The following USP8 variants were observed in gnomAD, a reference collection of about 807,000 sequenced individuals.
USP8 encodes the protein ubiquitin specific peptidase 8.
In USP8, 27 loss-of-function variants were observed where a neutral mutation model predicts 130.0. That is an observed-to-expected ratio of 0.21 (90% confidence interval 0.15 to 0.29). The LOEUF (loss-of-function observed/expected upper bound fraction) is 0.29, where lower values mean the gene tolerates loss of function less well. Among genes scored for constraint, USP8 ranks in the 10% least tolerant of loss-of-function variants. The pLI is 1.00. For missense variants in USP8, 1,029 were observed against 1,312.2 expected (o/e 0.78, Z 3.33); for synonymous variants, 392 against 444.1 (o/e 0.88, Z 1.48).
At chr15:50,472,920 C>CA (rs1595954017) in intron 8 of USP8, among the ~76,000 whole-genome samples, 1 of 151,786 alleles carries the variant, frequency 6.6e-6, no homozygotes, top group East Asian at 1.9e-4. Context: ...TACACACACA[C>CA]AAAAAAAGAT....
intron 5 of USP8, among the ~76,000 whole-genome samples, chr15:50,461,169 T>C (rs1485155909): frequency 1.3e-5 from 2 of 152,078 alleles, no homozygotes; most frequent in Non-Finnish European, 2.9e-5. Flanking sequence ...ATTTTATATT[T>C]TTAGTAGAGA....
intron 15 of USP8, chr15:50,493,362 G>A: frequency 1.9e-6 from 1 of 519,906 alleles, no homozygotes; most frequent in Non-Finnish European, 3.8e-6. Flanking sequence ...ATAATTTCAT[G>A]TTGACATCAA....
At chr15:50,471,913 T>C (rs1218956870) in intron 8 of USP8, 118 bp downstream of exon 8, 1 of 1,245,790 alleles carries the variant, frequency 8.0e-7, no homozygotes, top group Non-Finnish European at 1.1e-6. Flanking sequence ...TTTTTTTTTT[T>C]TTTTTGAGAC....
chr15:50,493,858 A>T (rs1426689195), intron 15 of USP8: 1 of 704,490 alleles, frequency 1.4e-6, no homozygotes, highest in Non-Finnish European at 2.6e-6. Flanking sequence ...TGAGGAGACC[A>T]TGCAGGGCTT....
chr15:50,429,830 T>C (rs1206139051), intron 1 of USP8, among the ~76,000 whole-genome samples: 2 of 152,234 alleles, frequency 1.3e-5, no homozygotes, highest in African/African-American at 4.8e-5. Context: ...ACTATGTTTT[T>C]GGTGCATGTT....
intron 10 of USP8, 72 bp downstream of exon 10, chr15:50,477,571 G>A: frequency 7.3e-7 from 1 of 1,378,842 alleles, no homozygotes; most frequent in Non-Finnish European, 9.9e-7. Flanking sequence ...TGGGCACAGT[G>A]CCTCACGCCT....
chr15:50,452,309 T>G (rs1051018384), intron 4 of USP8, among the ~76,000 whole-genome samples: 7 of 152,130 alleles, frequency 4.6e-5, no homozygotes, highest in Admixed American at 2.0e-4. Flanking sequence ...AGAATCCTAG[T>G]AAAAGGGATT....
At chr15:50,429,372 T>G (rs2049855116) in intron 1 of USP8, among the ~76,000 whole-genome samples, 1 of 150,966 alleles carries the variant, frequency 6.6e-6, no homozygotes, top group Non-Finnish European at 1.5e-5. Context: ...ATGAAAATGA[T>G]TTTTTAAAAT....
chr15:50,497,028 C>G (rs1162328021), intron 17 of USP8, 61 bp from the exon 18 acceptor site: 1 of 1,539,996 alleles, frequency 6.5e-7, no homozygotes, highest in Non-Finnish European at 8.7e-7. Flanking sequence ...TAAATAGGTG[C>G]TCTCTGACAT....
At position 50,503,238 on chromosome 15, in the gene USP8, C is replaced by G. The variant is rs2052615470; in HGVS notation, c.*4150C>G. 6.6e-6 allele frequency: 1 copy of G among 152,346 alleles called. No homozygotes were observed. Among genetic ancestry groups the G allele is most frequent in the Admixed American group, 6.5e-5 (1 of 15,278 alleles). 9.4% of individuals were successfully genotyped at this position (152,346 alleles called of 1,614,324 possible). A position where few individuals can be genotyped will look rare whatever the true frequency, so the allele number is the denominator to read the frequency against. On this transcript the variant is annotated 3_prime_UTR_variant, in exon 20 of 20. Coordinates refer to ENST00000307179, the MANE Select transcript of USP8 (RefSeq NM_005154.5). Reference sequence around the variant, plus strand: ...TGGCGCATGCCGGTAATCCCAGCTACTTGGGAGGCTGAGGCAGAATCATTT... The same window carrying G: ...TGGCGCATGCCGGTAATCCCAGCTAGTTGGGAGGCTGAGGCAGAATCATTT...
At chr15:50,454,208 G>A (rs531486083) in intron 4 of USP8, among the ~76,000 whole-genome samples, 66 of 152,042 alleles carry the variant, frequency 4.3e-4, no homozygotes, top group Non-Finnish European at 4.1e-4. Context: ...CAGGATTCTA[G>A]GTTGGCAGGT....
At chr15:50,428,654 C>G (rs1359033718) in intron 1 of USP8, among the ~76,000 whole-genome samples, 2 of 151,986 alleles carry the variant, frequency 1.3e-5, no homozygotes, top group African/African-American at 4.8e-5. Context: ...AAAGTTATGC[C>G]CTGTGGCCAT....
chr15:50,452,908 C>G (rs1436290441), intron 4 of USP8, among the ~76,000 whole-genome samples: 2 of 152,194 alleles, frequency 1.3e-5, no homozygotes, highest in Admixed American at 1.3e-4. Context: ...TCCTGGCACT[C>G]TAGTGATTTG....
At chr15:50,490,631 AT>A in intron 14 of USP8, 106 bp downstream of exon 14, 1 of 1,384,576 alleles carries the variant, frequency 7.2e-7, no homozygotes. Context: ...ATTTCTGTGG[AT>A]GGCTATACCA....
rs76853470 is a variant in USP8 at position 50,449,867 on chromosome 15, C to G, written c.335+382C>G. ...AAGTGCTGGGATTACAGGTGTGGGC[C>G]ACCATGCCTGGCCCCAATATTTCTT... On this transcript the variant is annotated intron_variant, in intron 4 of 19. Coordinates refer to ENST00000307179, the MANE Select transcript of USP8 (RefSeq NM_005154.5). 3.5e-3 allele frequency among the ~76,000 whole-genome samples: 522 copies of G among 148,734 alleles called. 16 individuals carry two copies. In the East Asian group the frequency reaches 0.067, roughly 19 times the overall value.
At chr15:50,425,787 A>G (rs1567589424) in intron 1 of USP8, among the ~76,000 whole-genome samples, 1 of 152,140 alleles carries the variant, frequency 6.6e-6, no homozygotes, top group Non-Finnish European at 1.5e-5. Context: ...TCGTTTTTTA[A>G]TATATTTACT....
In USP8 at chr15:50,496,764, T is replaced by C. The variant is rs78132340; in HGVS notation, c.2896-325T>C. Reference sequence around the variant, plus strand: ...TTTTCCATGTATCAACAATGTTTCTTATATAAAAGCTTGTTGATACCTTTA... The same window carrying C: ...TTTTCCATGTATCAACAATGTTTCTCATATAAAAGCTTGTTGATACCTTTA... On this transcript the variant is annotated intron_variant, in intron 17 of 19. Transcript: ENST00000307179. 7.7e-3 allele frequency: 1,464 copies of C among 189,460 alleles called. 36 individuals are homozygous for C. Among genetic ancestry groups the C allele is most frequent in the African/African-American group, 0.032 (1,397 of 43,254 alleles). The allele number at this position is 189,460 out of a possible 1,614,324, so 11.7% of individuals were successfully genotyped here. A position where few individuals can be genotyped will look rare whatever the true frequency, so the allele number is the denominator to read the frequency against.
At chr15:50,477,082 A>C in intron 9 of USP8, 89 bp downstream of exon 9, 1 of 1,517,892 alleles carries the variant, frequency 6.6e-7, no homozygotes, top group Non-Finnish European at 8.9e-7. Context: ...TTGTGTGTGT[A>C]TTTGTCCTAT....
chr15:50,498,408 T>C (rs1433475185), intron 18 of USP8, 188 bp from the exon 19 acceptor site: 1 of 673,336 alleles, frequency 1.5e-6, no homozygotes, highest in Non-Finnish European at 2.3e-6. Flanking sequence ...TCCATATGCC[T>C]CAGTTTTCTT....
Sources: allele counts gnomAD v4.1 joint callset (sites outside exome capture counted in the v4.1 genomes callset), GRCh38; gene constraint gnomAD v4.1.1; transcripts MANE v1.5; gene names NCBI Gene and HGNC (gene_info 2026-07-23, HGNC 2026-07-21).